The following ANKRD11 variants were observed in gnomAD, a reference collection of about 807,000 sequenced individuals.
The protein encoded by ANKRD11 is ankyrin repeat domain-containing protein 11.
A neutral mutation model predicts 195.7 loss-of-function variants in ANKRD11; 17 were observed. That is an observed-to-expected ratio of 0.09 (90% CI 0.06 to 0.13). ANKRD11 has a LOEUF of 0.13. ANKRD11 is among the 10% of genes least tolerant of loss of function. ANKRD11 has a pLI of 1.00. For missense variants in ANKRD11, 3,735 were observed against 3,566.1 expected, an observed-to-expected ratio of 1.05 and a Z score of -1.21; for synonymous variants, 1,953 against 1,528.1, an observed-to-expected ratio of 1.28 and a Z score of -6.49.
At chr16:89,384,686 G>A (rs1213626800) in intron 2 of ANKRD11, among the ~76,000 whole-genome samples, 1 of 152,050 alleles carries the variant, frequency 6.6e-6, no homozygotes, top group African/African-American at 2.4e-5. Flanking sequence ...ACTACAGAAA[G>A]AATAGAACTC....
At position 89,285,655 on chromosome 16, in the gene ANKRD11, G is replaced by A; in HGVS notation, c.893-6C>T. On this transcript the variant is annotated splice_region_variant and splice_polypyrimidine_tract_variant and intron_variant, in intron 8 of 12. Transcript: ENST00000301030. This position sits in a 1 kb window ranked among gnomAD's most constrained non-coding sequence, Gnocchi z 5.6. The stretch of plus-strand genomic sequence containing the variant: ...GTCTTCCTCTTCTGAGCTCTCTGTT[G>A]GAGGTAGGAAGCGAGAGGTCACAGG... 2 of 1,614,154 alleles carry A rather than the reference G, an allele frequency of 1.2e-6. No homozygotes were observed. Among genetic ancestry groups the A allele is most frequent in the Non-Finnish European group, 1.7e-6 (2 of 1,179,972 alleles).
At chr16:89,312,552 G>T (rs2151903316) in intron 3 of ANKRD11, among the ~76,000 whole-genome samples, 1 of 152,358 alleles carries the variant, frequency 6.6e-6, no homozygotes, top group Non-Finnish European at 1.5e-5. Context: ...AGCAAGCCCA[G>T]CAAGTCTGGC....
chr16:89,416,603 T>C (rs976427107), intron 2 of ANKRD11, among the ~76,000 whole-genome samples: 3 of 151,382 alleles, frequency 2.0e-5, no homozygotes, highest in Non-Finnish European at 4.4e-5. Flanking sequence ...TGGCCACTAA[T>C]TGCTGATTAA....
At chr16:89,482,995 G>C (rs2057493021) in intron 1 of ANKRD11, among the ~76,000 whole-genome samples, 1 of 152,182 alleles carries the variant, frequency 6.6e-6, no homozygotes. Context: ...CTAATCAACA[G>C]AACTATAAAA....
intron 2 of ANKRD11, among the ~76,000 whole-genome samples, chr16:89,357,613 G>A (rs572887100): frequency 6.9e-4 from 105 of 152,332 alleles, no homozygotes; most frequent in Non-Finnish European, 1.1e-3. Flanking sequence ...CAGCAAACCC[G>A]AGTGTCCCCT....
chr16:89,312,487 CCACAGG>C (rs1234270510), intron 3 of ANKRD11, among the ~76,000 whole-genome samples: 1 of 152,218 alleles, frequency 6.6e-6, no homozygotes, highest in Non-Finnish European at 1.5e-5. Flanking sequence ...AGCTGGCGGG[CCACAGG>C]CCGTGTGCTC....
chr16:89,349,861 AACACACACACACACAC>A (rs34592614), intron 2 of ANKRD11, among the ~76,000 whole-genome samples: 1,767 of 133,232 alleles, frequency 0.013, 15 homozygotes, highest in South Asian at 0.023. Context: ...TACTTGTTAA[AACACACACACACACAC>A]ACACACACAC....
At position 89,283,413 on chromosome 16, in the gene ANKRD11, C is replaced by T; in HGVS notation, c.3129G>A (p.Leu1043=). The change falls in exon 9 of 13, where the codon CTG becomes CTA. Residue 1043 remains leucine, a synonymous_variant. Coordinates refer to ENST00000301030, the MANE Select transcript of ANKRD11 (RefSeq NM_013275.6). The surrounding 1 kb of genome is among the most constrained non-coding windows in gnomAD (Gnocchi z 4.3). ...SDKDKSEKSI[L]EKCQKDKEFD... is the part of the protein sequence containing the mutation. ...ATTCTTTGTCCTTCTGACATTTTTC[C>T]AGGATTGATTTCTCACTTTTGTCCT... 6.2e-7 allele frequency: 1 copy of T among 1,614,036 alleles called. No homozygotes were observed. The highest frequency in any genetic ancestry group is 8.5e-7 in the Non-Finnish European group (1 of 1,180,040).
At chr16:89,450,505 A>G (rs1341914056) in intron 1 of ANKRD11, among the ~76,000 whole-genome samples, 3 of 152,198 alleles carry the variant, frequency 2.0e-5, no homozygotes, top group African/African-American at 7.2e-5. Context: ...TTGCAAGTAT[A>G]AAGTTCGTTT....
chr16:89,304,428 G>A (rs1005703180), intron 4 of ANKRD11, among the ~76,000 whole-genome samples: 1 of 149,498 alleles, frequency 6.7e-6, no homozygotes. Flanking sequence ...ATATATACAG[G>A]CACACACAGG....
intron 11 of ANKRD11, among the ~76,000 whole-genome samples, chr16:89,274,552 G>C (rs1288626547): frequency 6.6e-6 from 1 of 152,214 alleles, no homozygotes; most frequent in Non-Finnish European, 1.5e-5. Context: ...CAAGTGTTAC[G>C]GAGGGACTGA....
At chr16:89,299,263 CA>C in intron 4 of ANKRD11, 1 of 186,204 alleles carries the variant, frequency 5.4e-6, no homozygotes, top group Non-Finnish European at 1.1e-5. Flanking sequence ...AGGAGATCTA[CA>C]GGGGAGGGGC....
At chr16:89,410,093 C>T (rs1567765923) in intron 2 of ANKRD11, among the ~76,000 whole-genome samples, 1 of 152,222 alleles carries the variant, frequency 6.6e-6, no homozygotes, top group African/African-American at 2.4e-5. Flanking sequence ...CCCGCCTCGG[C>T]CTCCCAAAGT....
chr16:89,417,341 C>A (rs993046278), intron 2 of ANKRD11, among the ~76,000 whole-genome samples: 5 of 152,286 alleles, frequency 3.3e-5, no homozygotes, highest in Admixed American at 2.0e-4. Flanking sequence ...TCACACCTGG[C>A]CAAAATATGA....
chr16:89,409,552 G>T (rs763608997), intron 2 of ANKRD11, among the ~76,000 whole-genome samples: 1 of 152,290 alleles, frequency 6.6e-6, no homozygotes, highest in Non-Finnish European at 1.5e-5. Context: ...TGCGACTCAC[G>T]CCTGTAATCA....
At chr16:89,448,908 C>A (rs180766232) in intron 1 of ANKRD11, among the ~76,000 whole-genome samples, 16 of 152,262 alleles carry the variant, frequency 1.1e-4, no homozygotes, top group Admixed American at 1.3e-4. Context: ...AGCAGTGCCC[C>A]GGACCTGGCA....
At chr16:89,290,178 C>G (rs180922376) in intron 6 of ANKRD11, among the ~76,000 whole-genome samples, 3 of 152,366 alleles carry the variant, frequency 2.0e-5, no homozygotes, top group African/African-American at 7.2e-5. Context: ...GCGCACCCCA[C>G]GAGGCCACAG....
rs869271846 is a variant in ANKRD11, at chr16:89,384,879, C to CTTTTT, written c.-60+33400_-60+33404dup. Among the ~76,000 whole-genome samples the CTTTTT allele has an allele frequency of 2.9e-3, 144 of 49,938 alleles. 21 individuals carry two copies. The highest frequency in any genetic ancestry group is 4.8e-3 in the South Asian group (4 of 840). 32.8% of individuals were successfully genotyped at this position (49,938 alleles called of 152,430 possible). ...GGAGCACACAATGAGAAATAGTTTT[C>CTTTTT]TTTTTTTTTTTTTTTTTTTTTTTTT... is the stretch of plus-strand genomic sequence containing the variant. On this transcript the variant is annotated intron_variant, in intron 2 of 12. Transcript: ENST00000301030.
intron 2 of ANKRD11, among the ~76,000 whole-genome samples, chr16:89,412,942 G>A (rs1443730763): frequency 1.3e-5 from 2 of 152,126 alleles, no homozygotes; most frequent in Non-Finnish European, 2.9e-5. Context: ...ACTCAGAGCC[G>A]GATTCCAGCT....
Sources: allele counts gnomAD v4.1 joint callset (sites outside exome capture counted in the v4.1 genomes callset), GRCh38; gene constraint gnomAD v4.1.1; non-coding constraint Gnocchi (gnomAD v3.1); transcripts MANE v1.5; gene names NCBI Gene and HGNC (gene_info 2026-07-23, HGNC 2026-07-21).